The following AQR variants were observed in gnomAD, a reference collection of about 807,000 sequenced individuals.
AQR encodes aquarius intron-binding spliceosomal factor.
In AQR, 61 loss-of-function variants were observed where a neutral mutation model predicts 180.5. The observed-to-expected ratio is 0.34, with a 90% CI of 0.28 to 0.42. AQR has a LOEUF of 0.42. Among genes scored for constraint, AQR ranks in the 10% least tolerant of loss-of-function variants. The probability of loss-of-function intolerance (pLI) is 1.00; values close to 1 mark genes in which losing one functional copy is unlikely to be tolerated. For synonymous variants in AQR, 551 were observed against 588.8 expected, an observed-to-expected ratio of 0.94 and a Z score of 0.93; for missense variants, 1,281 against 1,798.3, an observed-to-expected ratio of 0.71 and a Z score of 5.20.
At chr15:34,939,348 T>C (rs1271419838) in intron 8 of AQR, among the ~76,000 whole-genome samples, 2 of 152,230 alleles carry the variant, frequency 1.3e-5, no homozygotes, top group African/African-American at 4.8e-5. Flanking sequence ...ATTACAGGCA[T>C]GAGCCATGGC....
chr15:34,885,115 ATC>A (rs1393728568), intron 25 of AQR, among the ~76,000 whole-genome samples: 4 of 152,258 alleles, frequency 2.6e-5, no homozygotes, highest in African/African-American at 4.8e-5. Flanking sequence ...CATTTTTTTC[ATC>A]TCTGTTTCTC....
chr15:34,916,174 T>C (rs1255594614), intron 15 of AQR, among the ~76,000 whole-genome samples: 1 of 152,186 alleles, frequency 6.6e-6, no homozygotes, highest in South Asian at 2.1e-4. Flanking sequence ...ATGACAAAAT[T>C]TAGCATGAAC....
chr15:34,936,268 C>T (rs554240392), intron 9 of AQR, among the ~76,000 whole-genome samples: 2 of 152,308 alleles, frequency 1.3e-5, no homozygotes, highest in East Asian at 1.9e-4. Flanking sequence ...AAACTACAAT[C>T]CTTCTCAAAA....
At chr15:34,900,101 C>T (rs927160421) in intron 20 of AQR, among the ~76,000 whole-genome samples, 4 of 152,120 alleles carry the variant, frequency 2.6e-5, no homozygotes, top group African/African-American at 9.7e-5. Context: ...CTATGTTGCC[C>T]AGGCTGGTTT....
chr15:34,924,631 A>G (rs1018616208), intron 13 of AQR, among the ~76,000 whole-genome samples: 5 of 151,948 alleles, frequency 3.3e-5, no homozygotes, highest in Non-Finnish European at 5.9e-5. Context: ...GGGTTTCACC[A>G]TGTTCGCCAG....
intron 6 of AQR, among the ~76,000 whole-genome samples, chr15:34,943,633 C>A (rs1421438463): frequency 6.6e-6 from 1 of 152,078 alleles, no homozygotes; most frequent in African/African-American, 2.4e-5. Flanking sequence ...GAAAGAACTC[C>A]ATGCATTCCT....
At chr15:34,920,546 AG>A in intron 13 of AQR, 112 bp from the exon 14 acceptor site, 1 of 747,920 alleles carries the variant, frequency 1.3e-6, no homozygotes, top group Non-Finnish European at 2.2e-6. Context: ...TGACATGGGC[AG>A]CAAATATCAA....
intron 14 of AQR, among the ~76,000 whole-genome samples, chr15:34,919,922 C>CA (rs1893658849): frequency 6.6e-6 from 1 of 151,330 alleles, no homozygotes; most frequent in East Asian, 1.9e-4. Context: ...AACAAACAAA[C>CA]AAAAAAACAA....
chr15:34,965,586 G>A (rs1413756227), intron 1 of AQR, among the ~76,000 whole-genome samples: 1 of 152,114 alleles, frequency 6.6e-6, no homozygotes, highest in African/African-American at 2.4e-5. Context: ...CAGGAGAATT[G>A]CTTGAACCTG....
intron 28 of AQR, 33 bp from the exon 29 acceptor site, chr15:34,874,897 C>G: frequency 6.4e-7 from 1 of 1,573,650 alleles, no homozygotes; most frequent in Non-Finnish European, 8.7e-7. Flanking sequence ...TGGCAAAATA[C>G]TCTATTATCC....
chr15:34,884,169 G>A (rs148030049), intron 26 of AQR, among the ~76,000 whole-genome samples: 2,022 of 152,228 alleles, frequency 0.013, 54 homozygotes, highest in African/African-American at 0.046. Flanking sequence ...CACTTTGGGA[G>A]GCAGAGGCGA....
At chr15:34,899,628 C>G (rs543960105) in intron 20 of AQR, among the ~76,000 whole-genome samples, 28 of 151,812 alleles carry the variant, frequency 1.8e-4, no homozygotes, top group Admixed American at 1.6e-3. Context: ...AACTTCACCT[C>G]CCAAAGTGTT....
chr15:34,896,030 T>G (rs951855565), intron 22 of AQR, among the ~76,000 whole-genome samples: 1 of 152,128 alleles, frequency 6.6e-6, no homozygotes, highest in African/African-American at 2.4e-5. Context: ...CTGACCAAAA[T>G]AGACTTTGAC....
intron 5 of AQR, among the ~76,000 whole-genome samples, chr15:34,945,107 C>T (rs547739018): frequency 6.6e-6 from 1 of 152,308 alleles, no homozygotes; most frequent in East Asian, 1.9e-4. Flanking sequence ...TCGTAGGGTT[C>T]TAGCCTCATT....
intron 27 of AQR, among the ~76,000 whole-genome samples, 186 bp from the exon 28 acceptor site, chr15:34,876,192 C>A (rs1892887131): frequency 1.3e-5 from 2 of 152,160 alleles, no homozygotes; most frequent in Non-Finnish European, 2.9e-5. Context: ...TATCATTATG[C>A]CTCTGCATTT....
At chr15:34,951,445 A>G (rs574350082) in intron 4 of AQR, among the ~76,000 whole-genome samples, 23 of 152,282 alleles carry the variant, frequency 1.5e-4, no homozygotes, top group African/African-American at 4.8e-4. Context: ...AAGCCGAGGC[A>G]GGCAATCACA....
intron 30 of AQR, among the ~76,000 whole-genome samples, chr15:34,873,393 G>T (rs190486011): frequency 2.0e-5 from 3 of 152,024 alleles, no homozygotes; most frequent in African/African-American, 7.2e-5. Flanking sequence ...ATTTATACTT[G>T]TTATAAAATA....
rs1893627095 is a variant in AQR at position 34,918,301 on chromosome 15, T to C, written c.1299A>G (p.Ile433Met). The change falls in exon 15 of 35, where the codon ATA (isoleucine) becomes ATG (methionine). Residue 433 changes from isoleucine to methionine, a missense_variant. Around this residue, in one of 9 missense-constraint regions of AQR, gnomAD observed 200 missense variants for 293.4 expected, o/e 0.68. Transcript: ENST00000156471. ...CAGTTGGGACAATATTTTCATCCCA[T>C]ATAATTTTCTCAGTTGGATACAAAG... ...QMPLYPTEKI[I>M]WDENIVPTEY... The C allele has an allele frequency of 3.1e-6, 5 of 1,613,876 alleles. No homozygotes were observed. Among genetic ancestry groups the C allele is most frequent in the Non-Finnish European group, 4.2e-6 (5 of 1,179,862 alleles).
At chr15:34,925,857 C>A (rs1232314493) in intron 13 of AQR, among the ~76,000 whole-genome samples, 1 of 149,346 alleles carries the variant, frequency 6.7e-6, no homozygotes, top group African/African-American at 2.5e-5. Flanking sequence ...AAAAGACTCA[C>A]CAATAGGAGA....
Sources: allele counts gnomAD v4.1 joint callset (sites outside exome capture counted in the v4.1 genomes callset), GRCh38; gene constraint gnomAD v4.1.1; regional missense constraint gnomAD v4.1.1; transcripts MANE v1.5; gene names NCBI Gene and HGNC (gene_info 2026-07-23, HGNC 2026-07-21).